NCKAP1: variants seen among roughly 807,000 people sequenced by gnomAD.
The protein encoded by NCKAP1 is NCK associated protein 1, also known as nck-associated protein 1.
Under a neutral mutation model 151.2 loss-of-function variants are expected in NCKAP1, and 21 were observed. The observed-to-expected ratio is 0.14, with a 90% CI of 0.10 to 0.20. NCKAP1 has a LOEUF of 0.20. Ranked by LOEUF, NCKAP1 falls within the 10% of genes least tolerant of loss-of-function variation. The pLI, the probability that NCKAP1 is intolerant of heterozygous loss-of-function variation, is 1.00. For synonymous variants in NCKAP1, 484 were observed against 451.8 expected (o/e 1.07, Z -0.90); for missense variants, 933 against 1,352.1 (o/e 0.69, Z 4.86).
chr2:182,966,835 A>C (rs563669330), intron 16 of NCKAP1, among the ~76,000 whole-genome samples: 1 of 152,198 alleles, frequency 6.6e-6, no homozygotes, highest in Non-Finnish European at 1.5e-5. Context: ...TACATCATAG[A>C]AGTGAAGTTA....
At chr2:182,993,852 C>T (rs1307731838) in intron 8 of NCKAP1, among the ~76,000 whole-genome samples, 1 of 152,066 alleles carries the variant, frequency 6.6e-6, no homozygotes, top group African/African-American at 2.4e-5. Flanking sequence ...TATGCATGAA[C>T]CTAAAAGTTT....
intron 2 of NCKAP1, among the ~76,000 whole-genome samples, chr2:183,023,569 G>A (rs1366741246): frequency 6.6e-6 from 1 of 151,940 alleles, no homozygotes; most frequent in African/African-American, 2.4e-5. Flanking sequence ...ATTTGAAAGG[G>A]AATAAATATA....
chr2:182,956,864 A>G (rs1264969539), intron 19 of NCKAP1: 1 of 259,208 alleles, frequency 3.9e-6, no homozygotes, highest in South Asian at 1.1e-4. Context: ...ACTCATAAAG[A>G]TAATCACGCC....
intron 15 of NCKAP1, 91 bp downstream of exon 15, chr2:182,976,802 G>T (rs1005926768): frequency 6.1e-6 from 4 of 659,018 alleles, no homozygotes; most frequent in Non-Finnish European, 9.5e-6. Flanking sequence ...TTTTCAATAG[G>T]TATATAACAA....
Position 183,037,997 on chromosome 2 carries a change from T to G in NCKAP1, c.103A>C (p.Lys35Gln). ...VGMLTRLYNI[K>Q]KACGDPKAKP... Reference sequence around the variant, plus strand: ...CCTCCCCGGCCCGTGCGCACCTTCTTGATGTTGTAGAGGCGGGTGAGCATG... The same window carrying G: ...CCTCCCCGGCCCGTGCGCACCTTCTGGATGTTGTAGAGGCGGGTGAGCATG... Residue 35 changes from lysine (K) to glutamine (Q), a missense_variant, in exon 1 of 31, where the codon AAG becomes CAG. This residue lies in a region of NCKAP1 where 607 missense variants were observed against 795.0 expected (regional missense o/e 0.76). Transcript: ENST00000361354. 1 of 1,578,862 alleles carries G rather than the reference T, an allele frequency of 6.3e-7. No individual in the cohort carries two copies. The highest frequency in any genetic ancestry group is 8.6e-7 in the Non-Finnish European group (1 of 1,168,198).
intron 17 of NCKAP1, among the ~76,000 whole-genome samples, chr2:182,962,872 T>C (rs1697485314): frequency 6.6e-6 from 1 of 151,992 alleles, no homozygotes; most frequent in Non-Finnish European, 1.5e-5. Context: ...AGGATTCTCT[T>C]TTTAGTTTTA....
rs886240916 is a variant in NCKAP1, at chr2:182,920,720, G to C, written c.*4982C>G. ...GAGGGCATTAATCCCATTCATGAAG[G>C]CTCCACTCTCATGACCTAATCACCT... On this transcript the variant is annotated 3_prime_UTR_variant, in exon 31 of 31. Transcript: ENST00000361354. The C allele has an allele frequency of 5.9e-5, 9 of 151,970 alleles. No homozygotes were observed. Among genetic ancestry groups the C allele is most frequent in the African/African-American group, 2.2e-4 (9 of 41,364 alleles). 9.4% of individuals were successfully genotyped at this position (151,970 alleles called of 1,614,324 possible). A position where few individuals can be genotyped will look rare whatever the true frequency, so the allele number is the denominator to read the frequency against.
At chr2:182,929,507 G>A (rs1355018326) in intron 27 of NCKAP1, among the ~76,000 whole-genome samples, 5 of 151,944 alleles carry the variant, frequency 3.3e-5, no homozygotes, top group Non-Finnish European at 7.4e-5. Flanking sequence ...ACCCAGCATT[G>A]CTCTAAAGCT....
At chr2:182,960,806 T>C (rs1247988455) in intron 18 of NCKAP1, among the ~76,000 whole-genome samples, 2 of 152,042 alleles carry the variant, frequency 1.3e-5, no homozygotes, top group Admixed American at 6.5e-5. Context: ...ACCTAAAGAA[T>C]GGGAGAAAAT....
intron 9 of NCKAP1, among the ~76,000 whole-genome samples, chr2:182,988,120 T>TA (rs1335235181): frequency 3.3e-5 from 5 of 152,080 alleles, no homozygotes; most frequent in Non-Finnish European, 7.4e-5. Context: ...AAGACACAGA[T>TA]AGAGGAGGTT....
chr2:182,925,087 C>T lies in NCKAP1; in HGVS notation c.*615G>A, dbSNP rs1301256127. 1.3e-5 allele frequency: 2 copies of T among 152,072 alleles called. No homozygotes were observed. Among genetic ancestry groups the T allele is most frequent in the East Asian group, 3.8e-4 (2 of 5,202 alleles). The allele number at this position is 152,072 out of a possible 1,614,324, so 9.4% of individuals were successfully genotyped here. On this transcript the variant is annotated 3_prime_UTR_variant, in exon 31 of 31. Transcript: ENST00000361354. ...ATGGAAGTTAGTCTAAAAATTATCGCTAGGCTTTATACAAGCAACAACATA... is the reference window on the plus strand; with the variant it reads ...ATGGAAGTTAGTCTAAAAATTATCGTTAGGCTTTATACAAGCAACAACATA...
At chr2:182,949,354 AC>A (rs1697168854) in intron 23 of NCKAP1, among the ~76,000 whole-genome samples, 4 of 152,176 alleles carry the variant, frequency 2.6e-5, no homozygotes, top group Non-Finnish European at 5.9e-5. Flanking sequence ...TTTCAGTTTC[AC>A]CACTGACTAA....
rs559834182 is a variant in NCKAP1, at chr2:182,975,482, G to A, written c.1482+1411C>T. On this transcript the variant is annotated intron_variant, in intron 15 of 30. Coordinates refer to ENST00000361354, the MANE Select transcript of NCKAP1 (RefSeq NM_013436.5). Reference sequence around the variant, plus strand: ...AGCACCTCAGAGTACTAAGCAGACCGCCAGAAAAGTATGGTCATCCTGAGA... The same window carrying A: ...AGCACCTCAGAGTACTAAGCAGACCACCAGAAAAGTATGGTCATCCTGAGA... Among the ~76,000 whole-genome samples the A allele has an allele frequency of 9.9e-5, 15 of 152,226 alleles. No individual in the cohort carries two copies. The South Asian group carries it at 3.1e-3, about 32-fold the overall frequency.
At chr2:182,955,102 A>C (rs1697298015) in intron 20 of NCKAP1, among the ~76,000 whole-genome samples, 1 of 152,232 alleles carries the variant, frequency 6.6e-6, no homozygotes, top group South Asian at 2.1e-4. Context: ...GGAGAACAAA[A>C]GACAGTTCAT....
At chr2:182,935,182 G>T in intron 25 of NCKAP1, 111 bp downstream of exon 25, 2 of 799,228 alleles carry the variant, frequency 2.5e-6, no homozygotes, top group South Asian at 1.8e-5. Flanking sequence ...ACTAAAACTG[G>T]AATTTTAATT....
chr2:182,961,103 G>A (rs1697439950), intron 18 of NCKAP1, among the ~76,000 whole-genome samples: 1 of 152,170 alleles, frequency 6.6e-6, no homozygotes. Flanking sequence ...AGAAGATGTG[G>A]AGAAATAGGA....
At chr2:182,979,722 T>C (rs1697900070) in intron 13 of NCKAP1, among the ~76,000 whole-genome samples, 1 of 152,098 alleles carries the variant, frequency 6.6e-6, no homozygotes, top group Non-Finnish European at 1.5e-5. Flanking sequence ...ATTGTGAATA[T>C]ACTTTGCAAC....
rs1388405435 is a variant in NCKAP1 at position 182,910,705 on chromosome 2, T to G, written c.*14997A>C. The stretch of plus-strand genomic sequence containing the variant: ...TGGTGGAAAGGGGTCCTCAGCACCC[T>G]CATAGGTCATGCATCCTCAAAACCT... On this transcript the variant is annotated 3_prime_UTR_variant, in exon 31 of 31. Coordinates refer to ENST00000361354, the MANE Select transcript of NCKAP1 (RefSeq NM_013436.5). 1 of 152,176 alleles carries G rather than the reference T, an allele frequency of 6.6e-6. No individual in the cohort carries two copies. The highest frequency in any genetic ancestry group is 1.5e-5 in the Non-Finnish European group (1 of 68,038). 9.4% of individuals were successfully genotyped at this position (152,176 alleles called of 1,614,324 possible).
chr2:183,033,115 C>T (rs1699037746), intron 1 of NCKAP1, among the ~76,000 whole-genome samples: 2 of 152,166 alleles, frequency 1.3e-5, no homozygotes, highest in Admixed American at 1.3e-4. Context: ...GCCTAGCCTA[C>T]CTTAAACACT....
Sources: gnomAD v4.1 joint callset for allele counts (sites outside exome capture counted in the v4.1 genomes callset) on GRCh38, gnomAD v4.1.1 for gene constraint, gnomAD v4.1.1 regional missense constraint, MANE v1.5 for transcripts, NCBI Gene and HGNC (gene_info 2026-07-23, HGNC 2026-07-21) for gene names.